STS: variants seen among roughly 807,000 people sequenced by gnomAD.
STS encodes steryl-sulfatase.
Under a neutral mutation model 26.8 loss-of-function variants are expected in STS, and 7 were observed. The observed-to-expected ratio is 0.26, with a 90% CI of 0.15 to 0.49. The LOEUF is 0.49. Ranked by LOEUF, STS falls within the 20% of genes least tolerant of loss-of-function variation. The pLI is 0.98. For missense variants in STS, 434 were observed against 465.6 expected (o/e 0.93, Z 0.63); for synonymous variants, 199 against 189.4 (o/e 1.05, Z -0.42).
intron 7 of STS, among the ~76,000 whole-genome samples, chrX:7,282,026 A>G (rs1207888460): frequency 8.9e-6 from 1 of 112,457 alleles, no homozygotes; most frequent in East Asian, 2.8e-4. Flanking sequence ...GATTAATTGG[A>G]GAAAAGTCAT....
chrX:7,296,439 T>C (rs1433748467), intron 7 of STS, among the ~76,000 whole-genome samples: 1 of 112,175 alleles, frequency 8.9e-6, no homozygotes, highest in Non-Finnish European at 1.9e-5. Context: ...TCAAAACATG[T>C]CCTGCTAGTC....
chrX:7,307,263 T>C (rs1926264632), intron 8 of STS, among the ~76,000 whole-genome samples: 1 of 111,549 alleles, frequency 9.0e-6, no homozygotes, highest in Non-Finnish European at 1.9e-5. Context: ...AGGCTATCAC[T>C]CTTTCAGCCC....
At chrX:7,226,508 C>A (rs1921811014) in intron 2 of STS, among the ~76,000 whole-genome samples, 1 of 111,653 alleles carries the variant, frequency 9.0e-6, no homozygotes. Flanking sequence ...AATTGCTTGA[C>A]AGTAAGATAC....
intron 1 of STS, among the ~76,000 whole-genome samples, chrX:7,157,576 C>T (rs1010964864): frequency 8.0e-5 from 9 of 111,907 alleles, no homozygotes; most frequent in Non-Finnish European, 1.5e-4. Flanking sequence ...TTTCATAGCT[C>T]GTAAAGTAAA....
intron 2 of STS, among the ~76,000 whole-genome samples, chrX:7,201,489 TGAATCATTATTA>T (rs1248730324): frequency 7.2e-5 from 8 of 111,033 alleles, no homozygotes; most frequent in Non-Finnish European, 1.3e-4. Context: ...TGTGGCTTTA[TGAATCATTATTA>T]GAATCATTAT....
At chrX:7,209,428 C>G (rs1331736637) in intron 2 of STS, among the ~76,000 whole-genome samples, 1 of 102,297 alleles carries the variant, frequency 9.8e-6, no homozygotes, top group African/African-American at 3.5e-5. Flanking sequence ...TTTATACTTA[C>G]TATTATATAG....
intron 2 of STS, among the ~76,000 whole-genome samples, chrX:7,236,744 T>C (rs2147064567): frequency 8.9e-6 from 1 of 112,511 alleles, no homozygotes; most frequent in African/African-American, 3.2e-5. Context: ...AGTGTTTTTA[T>C]TTTTCTTTAA....
At chrX:7,272,817 G>A (rs1451808115) in intron 6 of STS, among the ~76,000 whole-genome samples, 10 of 111,433 alleles carry the variant, frequency 9.0e-5, no homozygotes, top group Admixed American at 1.9e-4. Context: ...CTCTGGTGTC[G>A]TGGAACACAT....
intron 8 of STS, among the ~76,000 whole-genome samples, chrX:7,314,374 A>T (rs1488460464): frequency 9.0e-6 from 1 of 111,515 alleles, no homozygotes; most frequent in Non-Finnish European, 1.9e-5. Context: ...AAGTGTGAGC[A>T]AGGACTGACA....
intron 2 of STS, among the ~76,000 whole-genome samples, chrX:7,199,415 C>G (rs753126793): frequency 7.1e-5 from 8 of 112,027 alleles, no homozygotes; most frequent in Non-Finnish European, 1.3e-4. Context: ...TTATTAAAAT[C>G]AACTCTGAAT....
chrX:7,257,096 T>G (rs1231084099), intron 3 of STS, 146 bp from the exon 4 acceptor site: 1 of 810,568 alleles, frequency 1.2e-6, no homozygotes, highest in Non-Finnish European at 1.8e-6. Flanking sequence ...TACCAAAAAA[T>G]GCAAAAATTA....
intron 1 of STS, among the ~76,000 whole-genome samples, chrX:7,160,657 C>G (rs1353825649): frequency 8.9e-6 from 1 of 112,266 alleles, no homozygotes. Flanking sequence ...GATACGATGT[C>G]TATGCGGGAG....
At chrX:7,337,036 A>T (rs1293997689) in intron 10 of STS, among the ~76,000 whole-genome samples, 8 of 112,022 alleles carry the variant, frequency 7.1e-5, no homozygotes. Flanking sequence ...CTGGTAACAA[A>T]AAAAGGAGAA....
In STS at chrX:7,147,977, G is replaced by A. The variant is rs1932910845; in HGVS notation, c.-240G>A. The A allele has an allele frequency of 4.9e-6, 4 of 810,970 alleles. No individual in the cohort carries two copies. In the East Asian group the frequency reaches 1.7e-4, roughly 34 times the overall value. The allele number at this position is 810,970 out of a possible 1,213,427, so 66.8% of individuals were successfully genotyped here. Reference sequence around the variant, plus strand: ...CGCCCCGCCGCGGCCCCCAGGCCGTGACGTACCCCGCGCCGACCGTCCCCA... The same window carrying A: ...CGCCCCGCCGCGGCCCCCAGGCCGTAACGTACCCCGCGCCGACCGTCCCCA... On this transcript the variant is annotated 5_prime_UTR_variant, in exon 1 of 11. The change abolishes the stop of an existing upstream ORF in the 5' untranslated region. Coordinates refer to ENST00000674429, the MANE Select transcript of STS (RefSeq NM_001320752.2).
In STS at chrX:7,299,553, C is replaced by CAT. The variant is rs770410877; in HGVS notation, c.944-5483_944-5482dup. Among the ~76,000 whole-genome samples the CAT allele has an allele frequency of 9.2e-5, 10 of 108,151 alleles. 1 individual carries two copies. In the East Asian group the frequency reaches 1.4e-3, roughly 16 times the overall value. 93.9% of individuals were successfully genotyped at this position (108,151 alleles called of 115,157 possible). On this transcript the variant is annotated intron_variant, in intron 7 of 10. Coordinates refer to ENST00000674429, the MANE Select transcript of STS (RefSeq NM_001320752.2). The stretch of plus-strand genomic sequence containing the variant: ...CTAATGCTTCCAAAAGTATAACTTT[C>CAT]ATATATATATAGTGACTTCATAGCA...
At chrX:7,203,515 G>A (rs1233736912) in intron 2 of STS, among the ~76,000 whole-genome samples, 4 of 111,287 alleles carry the variant, frequency 3.6e-5, no homozygotes, top group Admixed American at 9.6e-5. Flanking sequence ...CACATTTGAG[G>A]AGCATTGTGA....
At chrX:7,170,993 T>C (rs1933455978) in intron 1 of STS, among the ~76,000 whole-genome samples, 1 of 111,401 alleles carries the variant, frequency 9.0e-6, no homozygotes, top group Non-Finnish European at 1.9e-5. Flanking sequence ...TCTCTGCCCA[T>C]CCCCTGGTAC....
At chrX:7,328,635 C>A (rs762267548) in intron 9 of STS, among the ~76,000 whole-genome samples, 21 of 104,975 alleles carry the variant, frequency 2.0e-4, no homozygotes, top group African/African-American at 7.0e-4. Context: ...CTCACTGCAA[C>A]CTCTGCCTCC....
chrX:7,295,142 G>T (rs1169574653), intron 7 of STS, among the ~76,000 whole-genome samples: 1 of 111,642 alleles, frequency 9.0e-6, no homozygotes, highest in Non-Finnish European at 1.9e-5. Flanking sequence ...TTGAGTTAAA[G>T]CTGTGTTCTA....
Sources: allele counts gnomAD v4.1 joint callset (sites outside exome capture counted in the v4.1 genomes callset), GRCh38; gene constraint gnomAD v4.1.1; transcripts MANE v1.5; gene names NCBI Gene and HGNC (gene_info 2026-07-23, HGNC 2026-07-21).